The following CCDC93 variants were observed in gnomAD, a reference collection of about 807,000 sequenced individuals.
CCDC93 encodes coiled-coil domain-containing protein 93.
A neutral mutation model predicts 108.2 loss-of-function variants in CCDC93; 61 were observed. The ratio of observed to expected loss-of-function variants is 0.56; its 90% CI spans 0.46 to 0.70. The LOEUF is 0.70. CCDC93 is among the 30% of genes least tolerant of loss of function. The pLI is 0.00. For synonymous variants in CCDC93, 276 were observed against 260.4 expected, an observed-to-expected ratio of 1.06 and a Z score of -0.58; for missense variants, 685 against 764.2, an observed-to-expected ratio of 0.90 and a Z score of 1.22.
At chr2:117,986,092 T>C in intron 6 of CCDC93, 23 bp from the exon 7 acceptor site, 1 of 1,469,300 alleles carries the variant, frequency 6.8e-7, no homozygotes, top group Non-Finnish European at 9.5e-7. Context: ...GACAGCCAAG[T>C]TACTGAGTGT....
At chr2:117,981,998 C>A (rs762293043) in intron 7 of CCDC93, among the ~76,000 whole-genome samples, 8 of 152,134 alleles carry the variant, frequency 5.3e-5, no homozygotes, top group Non-Finnish European at 1.2e-4. Flanking sequence ...TTGACAAGAA[C>A]TTACTAAATA....
chr2:117,945,309 G>T (rs1412078556), intron 17 of CCDC93, among the ~76,000 whole-genome samples: 1 of 152,182 alleles, frequency 6.6e-6, no homozygotes. Flanking sequence ...AGAACTGGAA[G>T]AAAACCCATC....
At chr2:117,927,958 C>T (rs1410538153) in intron 23 of CCDC93, among the ~76,000 whole-genome samples, 1 of 152,028 alleles carries the variant, frequency 6.6e-6, no homozygotes, top group Non-Finnish European at 1.5e-5. Context: ...TAATGCCGCA[C>T]ATCTACAACC....
At chr2:117,950,471 T>C in intron 13 of CCDC93, 1 of 985,410 alleles carries the variant, frequency 1.0e-6, no homozygotes, top group Non-Finnish European at 1.2e-6. Context: ...CCCACAGGTG[T>C]CAGGCACCAC....
intron 14 of CCDC93, 44 bp from the exon 15 acceptor site, chr2:117,948,230 G>T: frequency 1.4e-6 from 2 of 1,441,730 alleles, no homozygotes; most frequent in South Asian, 1.2e-5. Flanking sequence ...AGGCCATTAT[G>T]ATTTTATGAA....
chr2:118,012,136 C>T (rs1210884157), intron 1 of CCDC93, among the ~76,000 whole-genome samples: 3 of 152,126 alleles, frequency 2.0e-5, no homozygotes, highest in African/African-American at 7.2e-5. Context: ...TCGGGCAGGG[C>T]AGTGGCTCAC....
rs545422807 is a variant in CCDC93 at position 117,949,501 on chromosome 2, T to C, written c.1069-106A>G. ...TAATGACACTTTTTAAAGAAGAAACTTAAACTTGGATTTTAATGTGTAAAG... is the reference window on the plus strand; with the variant it reads ...TAATGACACTTTTTAAAGAAGAAACCTAAACTTGGATTTTAATGTGTAAAG... On this transcript the variant is annotated intron_variant, in intron 13 of 23. Transcript: ENST00000376300. The C allele has an allele frequency of 1.3e-5, 11 of 838,244 alleles. No homozygotes were observed. In the South Asian group the frequency reaches 1.4e-4, roughly 11 times the overall value. 51.9% of individuals were successfully genotyped at this position (838,244 alleles called of 1,614,324 possible). A position where few individuals can be genotyped will look rare whatever the true frequency, so the allele number is the denominator to read the frequency against.
intron 7 of CCDC93, among the ~76,000 whole-genome samples, chr2:117,981,448 G>A (rs74499348): frequency 2.0e-5 from 3 of 152,232 alleles, no homozygotes; most frequent in South Asian, 2.1e-4. Flanking sequence ...GCTCTGATCC[G>A]CAGTGCCGCA....
chr2:117,995,860 T>C (rs548198134), intron 5 of CCDC93: 55 of 179,700 alleles, frequency 3.1e-4, no homozygotes, highest in African/African-American at 1.1e-3. Flanking sequence ...CCATCTCAGG[T>C]TGCAGTAAGG....
chr2:117,940,609 G>A (rs187177879), intron 19 of CCDC93, among the ~76,000 whole-genome samples: 9 of 152,298 alleles, frequency 5.9e-5, no homozygotes, highest in South Asian at 4.1e-4. Context: ...GTGTGGCTAG[G>A]GGACTTGGAG....
chr2:117,954,894 T>C (rs192880252), intron 12 of CCDC93, among the ~76,000 whole-genome samples: 11 of 150,986 alleles, frequency 7.3e-5, no homozygotes, highest in African/African-American at 1.9e-4. Context: ...TTTCCCCTGC[T>C]TGTACTTCTC....
intron 1 of CCDC93, 43 bp downstream of exon 1, chr2:118,013,911 T>A (rs1179524192): frequency 1.3e-6 from 2 of 1,529,460 alleles, no homozygotes; most frequent in Non-Finnish European, 1.8e-6. Flanking sequence ...CGGCCCTCTC[T>A]TCAGGAACCC....
chr2:117,932,287 G>A (rs1678363719), intron 22 of CCDC93, among the ~76,000 whole-genome samples: 1 of 152,190 alleles, frequency 6.6e-6, no homozygotes, highest in Non-Finnish European at 1.5e-5. Context: ...CTGTGGCTTT[G>A]CTGATGCCTG....
chr2:117,927,843 T>C (rs189866531), intron 23 of CCDC93, among the ~76,000 whole-genome samples: 1 of 152,314 alleles, frequency 6.6e-6, no homozygotes, highest in South Asian at 2.1e-4. Flanking sequence ...GGCATCATGC[T>C]ACCTGACTTC....
rs761235082 is a variant in CCDC93, at chr2:117,949,305, A to G, written c.1142+17T>C. On this transcript the variant is annotated intron_variant, in intron 14 of 23. Transcript: ENST00000376300. ...CTTTCATCAAAGCAAAAATAAGCAC[A>G]TGCTGAAACCTCTTACCTTGGATCA... The G allele has an allele frequency of 1.3e-5, 21 of 1,582,658 alleles. No homozygotes were observed. The highest frequency in any genetic ancestry group is 2.7e-5 in the African/African-American group (2 of 74,244).
At chr2:117,954,800 T>C (rs1679165453) in intron 12 of CCDC93, among the ~76,000 whole-genome samples, 1 of 152,110 alleles carries the variant, frequency 6.6e-6, no homozygotes, top group African/African-American at 2.4e-5. Context: ...GTGGAGGTAA[T>C]TGGATGATGG....
At chr2:117,995,113 T>A (rs1680604225) in intron 6 of CCDC93, among the ~76,000 whole-genome samples, 1 of 152,184 alleles carries the variant, frequency 6.6e-6, no homozygotes, top group African/African-American at 2.4e-5. Flanking sequence ...AAACCTCAAG[T>A]TATCATCCCC....
At chr2:117,940,199 C>A (rs190889627) in intron 19 of CCDC93, among the ~76,000 whole-genome samples, 1 of 152,134 alleles carries the variant, frequency 6.6e-6, no homozygotes, top group Non-Finnish European at 1.5e-5. Flanking sequence ...GTAGGAGGGC[C>A]GAATTCAATT....
At chr2:117,958,601 C>A in intron 11 of CCDC93, 120 bp from the exon 12 acceptor site, 1 of 688,134 alleles carries the variant, frequency 1.5e-6, no homozygotes, top group Non-Finnish European at 2.6e-6. Flanking sequence ...CAAGCCAGGG[C>A]ATTTACAGAG....
Sources: allele counts gnomAD v4.1 joint callset (sites outside exome capture counted in the v4.1 genomes callset), GRCh38; gene constraint gnomAD v4.1.1; transcripts MANE v1.5; gene names NCBI Gene and HGNC (gene_info 2026-07-23, HGNC 2026-07-21).